MAP4: variants seen among roughly 807,000 people sequenced by gnomAD.
MAP4 encodes the protein microtubule associated protein 4.
MAP4 carries 76 observed loss-of-function variants against 170.2 expected under a neutral mutation model. The observed-to-expected ratio is 0.45, with a 90% CI of 0.37 to 0.54. MAP4 has a LOEUF of 0.54. MAP4 is among the 20% of genes least tolerant of loss of function. The pLI, the probability that MAP4 is intolerant of heterozygous loss-of-function variation, is 0.00. For synonymous variants in MAP4, 909 were observed against 994.5 expected (o/e 0.91, Z 1.62); for missense variants, 2,506 against 2,748.0 (o/e 0.91, Z 1.97).
intron 1 of MAP4, among the ~76,000 whole-genome samples, chr3:48,053,097 A>G (rs575827952): frequency 1.4e-3 from 214 of 152,332 alleles, no homozygotes; most frequent in African/African-American, 5.1e-3. Flanking sequence ...ACTGGTTTTG[A>G]GTTATACTGC....
chr3:48,026,402 T>C (rs1053016889), intron 1 of MAP4, among the ~76,000 whole-genome samples: 1 of 152,246 alleles, frequency 6.6e-6, no homozygotes, highest in Non-Finnish European at 1.5e-5. Flanking sequence ...GCAATTTAGA[T>C]TGGCCTTCAG....
intron 5 of MAP4, among the ~76,000 whole-genome samples, chr3:47,919,210 C>G (rs112701049): frequency 2.5e-4 from 37 of 150,706 alleles, no homozygotes; most frequent in Non-Finnish European, 5.2e-4. Context: ...GGATTACAGG[C>G]GTGAACCACC....
intron 2 of MAP4, among the ~76,000 whole-genome samples, chr3:47,995,689 G>A (rs1253376172): frequency 6.6e-6 from 1 of 152,066 alleles, no homozygotes; most frequent in Non-Finnish European, 1.5e-5. Flanking sequence ...GCTGTAGAAA[G>A]CCAAAAGCAA....
rs553318944 is a variant in MAP4 at position 47,970,446 on chromosome 3, T to C, written c.292+7419A>G. ...GTTGTGGTGAGCTGAGATTGTGCCA[T>C]TGCACTGCGCTCCAGCCTGGGGAAC... On this transcript the variant is annotated intron_variant, in intron 3 of 20. Transcript: ENST00000683076. Among the ~76,000 whole-genome samples the C allele has an allele frequency of 7.3e-5, 11 of 150,910 alleles. No homozygotes were observed. In the South Asian group the frequency reaches 8.4e-4, roughly 12 times the overall value.
At chr3:47,918,927 G>T in intron 5 of MAP4, 86 bp from the exon 6 acceptor site, 3 of 1,192,244 alleles carry the variant, frequency 2.5e-6, no homozygotes, top group South Asian at 1.4e-5. Flanking sequence ...GTTTTGTTTT[G>T]TTTTGTTTGT....
intron 1 of MAP4, among the ~76,000 whole-genome samples, chr3:48,070,190 T>C (rs1273745067): frequency 1.3e-5 from 2 of 151,648 alleles, no homozygotes; most frequent in African/African-American, 4.8e-5. Flanking sequence ...TTGGCCAGGA[T>C]AGTCTCTTTT....
intron 1 of MAP4, among the ~76,000 whole-genome samples, chr3:48,038,335 CTTT>C (rs1203159167): frequency 6.6e-6 from 1 of 151,700 alleles, no homozygotes; most frequent in Admixed American, 6.6e-5. Context: ...TCATTTTTTT[CTTT>C]TTATCACCAT....
At chr3:48,078,815 T>C (rs887700448) in intron 1 of MAP4, among the ~76,000 whole-genome samples, 18 of 152,158 alleles carry the variant, frequency 1.2e-4, no homozygotes, top group African/African-American at 4.1e-4. Context: ...GGATTTCTAT[T>C]CCTAAAAGAG....
At position 47,852,667 on chromosome 3, in the gene MAP4, A is replaced by C; in HGVS notation, c.*267T>G. ...GTGATGGGGCAAGACCAAAGCAGGG[A>C]GATGGGCCCAGGCTGGGGAGTGAGA... On this transcript the variant is annotated 3_prime_UTR_variant, in exon 21 of 21. Transcript: ENST00000683076. 7.7e-7 allele frequency: 1 copy of C among 1,304,760 alleles called. No individual in the cohort carries two copies. Among genetic ancestry groups the C allele is most frequent in the Non-Finnish European group, 1.0e-6 (1 of 969,728 alleles). The allele number at this position is 1,304,760 out of a possible 1,614,324, so 80.8% of individuals were successfully genotyped here. A position where few individuals can be genotyped will look rare whatever the true frequency, so the allele number is the denominator to read the frequency against.
Position 47,855,937 on chromosome 3 carries a change from T to TA in MAP4, c.6584-578dup, listed in dbSNP as rs994328391. Among the ~76,000 whole-genome samples the TA allele has an allele frequency of 2.0e-5, 3 of 151,914 alleles. No homozygotes were observed. Among genetic ancestry groups the TA allele is most frequent in the Admixed American group, 1.3e-4 (2 of 15,258 alleles). On this transcript the variant is annotated intron_variant, in intron 18 of 20. Coordinates refer to ENST00000683076, the MANE Select transcript of MAP4 (RefSeq NM_001385682.1). The surrounding 1 kb of genome is among the most constrained non-coding windows in gnomAD (Gnocchi z 5.1). ...ACACTCTAGCAAAAAGAAGGAATAA[T>TA]AAAAAGGACAGAGTGGCCCCGAGGC...
chr3:47,981,030 CTA>C (rs1415043445), intron 2 of MAP4, among the ~76,000 whole-genome samples: 1 of 152,070 alleles, frequency 6.6e-6, no homozygotes, highest in African/African-American at 2.4e-5. Context: ...ATTTGGCAGC[CTA>C]TCAAATTCTG....
intron 3 of MAP4, among the ~76,000 whole-genome samples, chr3:47,960,154 T>C (rs1238785162): frequency 2.0e-5 from 3 of 152,212 alleles, no homozygotes; most frequent in Non-Finnish European, 2.9e-5. Flanking sequence ...TGAGCCACCA[T>C]GCCCGGGCAG....
intron 1 of MAP4, chr3:48,039,594 G>C (rs1235452237): frequency 1.3e-5 from 2 of 152,200 alleles, no homozygotes; most frequent in Non-Finnish European, 2.9e-5. Context: ...CCCATGGAAA[G>C]GTGGTTTAAA....
intron 1 of MAP4, among the ~76,000 whole-genome samples, chr3:48,070,938 T>C (rs2100140699): frequency 6.6e-6 from 1 of 151,330 alleles, no homozygotes; most frequent in African/African-American, 2.4e-5. Context: ...GGCAGGAGGA[T>C]CACTGGAGCC....
intron 8 of MAP4, 88 bp from the exon 9 acceptor site, chr3:47,912,509 A>G (rs2100036493): frequency 8.3e-7 from 1 of 1,212,010 alleles, no homozygotes; most frequent in South Asian, 1.7e-5. Flanking sequence ...GACCATATAA[A>G]TGACTAATTT....
rs1362580059 is a variant in MAP4, at chr3:47,853,123, G to C, written c.6886+40C>G. ...GAGTTTCAATTTGCGGCCAGTGGCA[G>C]GGCCCCTGGCTGGCCCTTAGGCCGA... On this transcript the variant is annotated intron_variant, in intron 20 of 20. Transcript: ENST00000683076. The C allele has an allele frequency of 2.5e-6, 4 of 1,612,292 alleles. No individual in the cohort carries two copies. The South Asian group carries it at 4.4e-5, about 18-fold the overall frequency.
intron 11 of MAP4, chr3:47,876,972 C>G (rs1362575932): frequency 6.5e-6 from 1 of 152,756 alleles, no homozygotes; most frequent in Non-Finnish European, 1.5e-5. Context: ...ACCTCCAACT[C>G]CTTGGTTCAA....
intron 1 of MAP4, among the ~76,000 whole-genome samples, chr3:48,046,920 C>A (rs961462248): frequency 1.3e-5 from 2 of 151,352 alleles, no homozygotes; most frequent in African/African-American, 4.9e-5. Context: ...CGGTTAAACC[C>A]CGTCTCTACT....
Position 47,916,162 on chromosome 3 carries a change from T to C in MAP4, c.1665A>G (p.Glu555=). 1 of 1,614,186 alleles carries C rather than the reference T, an allele frequency of 6.2e-7. No homozygotes were observed. Among genetic ancestry groups the C allele is most frequent in the Non-Finnish European group, 8.5e-7 (1 of 1,180,024 alleles). Residue 555 remains glutamate, a synonymous_variant, in exon 7 of 21, where the codon GAA becomes GAG. Transcript: ENST00000683076. ...TEDQVPALKT[E]APLAKDGVLT... ...GAACCCCATCCTTAGCCAGGGGTGC[T>C]TCTGTTTTGAGGGCTGGGACCTGAT...
Sources: allele counts gnomAD v4.1 joint callset (sites outside exome capture counted in the v4.1 genomes callset), GRCh38; gene constraint gnomAD v4.1.1; non-coding constraint Gnocchi (gnomAD v3.1); transcripts MANE v1.5; gene names NCBI Gene and HGNC (gene_info 2026-07-23, HGNC 2026-07-21).